Variants in C4orf17 observed in about 807,000 individuals in gnomAD.
C4orf17 encodes the protein chromosome 4 open reading frame 17, also known as uncharacterized protein C4orf17.
Under a neutral mutation model 32.0 loss-of-function variants are expected in C4orf17, and 25 were observed. That is an observed-to-expected ratio of 0.78 (90% CI 0.57 to 1.09). The LOEUF (loss-of-function observed/expected upper bound fraction) is 1.09, where lower values mean the gene tolerates loss of function less well. Among genes scored for constraint, C4orf17 ranks in the 50% least tolerant of loss-of-function variants. The pLI is 0.00. For synonymous variants in C4orf17, 149 were observed against 145.8 expected, an observed-to-expected ratio of 1.02 and a Z score of -0.16; for missense variants, 420 against 420.0, an observed-to-expected ratio of 1.00 and a Z score of 0.00.
At position 99,529,970 on chromosome 4, in the gene C4orf17, G is replaced by T; in HGVS notation, c.546+12G>T. The T allele has an allele frequency of 6.3e-7, 1 of 1,598,962 alleles. No individual in the cohort carries two copies. The highest frequency in any genetic ancestry group is 8.5e-7 in the Non-Finnish European group (1 of 1,173,746). On this transcript the variant is annotated intron_variant, in intron 5 of 8. Coordinates refer to ENST00000326581, the MANE Select transcript of C4orf17 (RefSeq NM_032149.3). Reference sequence around the variant, plus strand: ...ATCAGGAAATAAAAGTAAGTATCAGGTTTATCAAATCCATAACTTGGAAAC... The same window carrying T: ...ATCAGGAAATAAAAGTAAGTATCAGTTTTATCAAATCCATAACTTGGAAAC...
At chr4:99,526,232 T>G (rs751013048) in intron 4 of C4orf17, among the ~76,000 whole-genome samples, 5 of 152,256 alleles carry the variant, frequency 3.3e-5, no homozygotes, top group Non-Finnish European at 7.3e-5. Context: ...AAATGCTGTT[T>G]CAGTATCTAG....
intron 2 of C4orf17, among the ~76,000 whole-genome samples, chr4:99,521,307 A>C (rs1000568404): frequency 1.3e-5 from 2 of 151,966 alleles, no homozygotes; most frequent in Non-Finnish European, 2.9e-5. Flanking sequence ...TGGGAGGGGG[A>C]GCACTGGCAG....
intron 3 of C4orf17, 112 bp from the exon 4 acceptor site, chr4:99,524,409 T>TGAC (rs1723351567): frequency 1.7e-6 from 1 of 578,298 alleles, no homozygotes; most frequent in Non-Finnish European, 3.0e-6. Context: ...ATTCCTGAAT[T>TGAC]GACCTTAAAG....
chr4:99,512,220 T>C (rs1723103964), intron 1 of C4orf17, among the ~76,000 whole-genome samples: 2 of 152,270 alleles, frequency 1.3e-5, no homozygotes, highest in East Asian at 1.9e-4. Flanking sequence ...TCATGTAAGA[T>C]AGAAAAAATA....
chr4:99,526,178 T>C (rs916343013), intron 4 of C4orf17, among the ~76,000 whole-genome samples: 4 of 152,228 alleles, frequency 2.6e-5, no homozygotes, highest in African/African-American at 7.2e-5. Context: ...CCATTCCTAG[T>C]GTGCTAAGAG....
chr4:99,514,592 T>G (rs1723147098), intron 2 of C4orf17, among the ~76,000 whole-genome samples: 1 of 152,014 alleles, frequency 6.6e-6, no homozygotes, highest in East Asian at 1.9e-4. Context: ...ATAATTAAGT[T>G]AAAAAAACAA....
At chr4:99,518,799 G>A (rs1578187754) in intron 2 of C4orf17, among the ~76,000 whole-genome samples, 6 of 151,454 alleles carry the variant, frequency 4.0e-5, no homozygotes, top group Non-Finnish European at 1.5e-5. Flanking sequence ...TCCCACCTCC[G>A]TCTGGATTTC....
chr4:99,512,847 A>C (rs1398500772), intron 1 of C4orf17, 142 bp from the exon 2 acceptor site: 2 of 447,326 alleles, frequency 4.5e-6, no homozygotes, highest in African/African-American at 2.0e-5. Flanking sequence ...GTTTACAAAA[A>C]TTTGGTCTGA....
intron 4 of C4orf17, 123 bp from the exon 5 acceptor site, chr4:99,529,691 CT>C (rs1241902657): frequency 4.8e-5 from 33 of 686,144 alleles, no homozygotes; most frequent in Admixed American, 4.7e-4. Context: ...TAAAACTAAC[CT>C]TTTTTTACTT....
intron 5 of C4orf17, among the ~76,000 whole-genome samples, chr4:99,536,571 G>T (rs1723565965): frequency 6.6e-6 from 1 of 152,196 alleles, no homozygotes; most frequent in Non-Finnish European, 1.5e-5. Context: ...ACTCCCTGGA[G>T]CCAGCAGGCT....
At chr4:99,536,082 T>TAC in intron 5 of C4orf17, 1 of 387,946 alleles carries the variant, frequency 2.6e-6, no homozygotes, top group Admixed American at 3.2e-5. Flanking sequence ...CAAAGGTGTC[T>TAC]GCCTGCTCCT....
intron 2 of C4orf17, among the ~76,000 whole-genome samples, chr4:99,520,989 T>G (rs1723279193): frequency 6.6e-6 from 1 of 152,246 alleles, no homozygotes; most frequent in African/African-American, 2.4e-5. Context: ...TAAAATCATT[T>G]TAACATTTTA....
In C4orf17 at chr4:99,534,044, T is replaced by C. The variant is rs181026691; in HGVS notation, c.547-3625T>C. On this transcript the variant is annotated intron_variant, in intron 5 of 8. Transcript: ENST00000326581. ...TGTGCAGGTTTGTTACACAGGTAAATGTATGCCCTGGTGGTTTGCTGCACA... is the reference window on the plus strand; with the variant it reads ...TGTGCAGGTTTGTTACACAGGTAAACGTATGCCCTGGTGGTTTGCTGCACA... Among the ~76,000 whole-genome samples, 243 of 152,262 alleles carry C rather than the reference T, an allele frequency of 1.6e-3. 2 individuals are homozygous for C. The highest frequency in any genetic ancestry group is 5.5e-3 in the African/African-American group (228 of 41,550).
intron 6 of C4orf17, among the ~76,000 whole-genome samples, 198 bp from the exon 7 acceptor site, chr4:99,538,963 ACT>A (rs1323430914): frequency 1.3e-5 from 2 of 152,050 alleles, no homozygotes; most frequent in East Asian, 3.9e-4. Flanking sequence ...TACTCTGGGC[ACT>A]CTACAGTATC....
intron 2 of C4orf17, among the ~76,000 whole-genome samples, chr4:99,515,626 T>A (rs755402933): frequency 3.9e-5 from 6 of 152,012 alleles, no homozygotes; most frequent in African/African-American, 9.7e-5. Context: ...GATGAAATAA[T>A]CTGTACAACA....
intron 2 of C4orf17, among the ~76,000 whole-genome samples, chr4:99,515,229 A>G (rs1257787467): frequency 6.6e-6 from 1 of 152,210 alleles, no homozygotes; most frequent in Non-Finnish European, 1.5e-5. Context: ...TCATTCTGTT[A>G]TAAAGACACC....
intron 7 of C4orf17, 148 bp from the exon 8 acceptor site, chr4:99,540,264 T>G: frequency 2.0e-6 from 1 of 506,306 alleles, no homozygotes; most frequent in East Asian, 3.1e-5. Flanking sequence ...GGAAGTAAAT[T>G]TAATACTGTA....
chr4:99,541,062 T>C (rs903515582), intron 8 of C4orf17: 3 of 152,340 alleles, frequency 2.0e-5, no homozygotes, highest in Non-Finnish European at 2.9e-5. Flanking sequence ...AGAGCATTCA[T>C]GACTACAGAG....
At chr4:99,514,428 T>C (rs1723144760) in intron 2 of C4orf17, among the ~76,000 whole-genome samples, 1 of 151,254 alleles carries the variant, frequency 6.6e-6, no homozygotes, top group Non-Finnish European at 1.5e-5. Context: ...AATAATCCCA[T>C]CAAAAAGTGG....
Sources: allele counts gnomAD v4.1 joint callset (sites outside exome capture counted in the v4.1 genomes callset), GRCh38; gene constraint gnomAD v4.1.1; transcripts MANE v1.5; gene names NCBI Gene and HGNC (gene_info 2026-07-23, HGNC 2026-07-21).